MAP4K1: variants seen among roughly 807,000 people sequenced by gnomAD.
MAP4K1 encodes the protein MAPK/ERK kinase kinase kinase 1.
A neutral mutation model predicts 122.8 loss-of-function variants in MAP4K1; 35 were observed. The observed-to-expected ratio is 0.29, with a 90% confidence interval of 0.22 to 0.38. The LOEUF (loss-of-function observed/expected upper bound fraction) is 0.38, where lower values mean the gene tolerates loss of function less well. MAP4K1 is among the 10% of genes least tolerant of loss of function. MAP4K1 has a pLI of 1.00. For synonymous variants in MAP4K1, 412 were observed against 421.3 expected, an observed-to-expected ratio of 0.98 and a Z score of 0.27; for missense variants, 791 against 1,072.6, an observed-to-expected ratio of 0.74 and a Z score of 3.67.
Position 38,596,387 on chromosome 19 carries a change from G to A in MAP4K1, c.2041C>T (p.Arg681Trp). 2 of 1,597,870 alleles carry A rather than the reference G, an allele frequency of 1.3e-6. No individual in the cohort carries two copies. The highest frequency in any genetic ancestry group is 1.7e-5 in the Admixed American group (1 of 58,386). ...PAVCIGVSPG[R>W]PGKSVLFHTV... ...TGGAAGAGCACCGACTTCCCCGGCC[G>A]CCCGGGGCTCACGCCGATGCACACA... The change falls in exon 26 of 31, where the codon CGG (arginine) becomes TGG (tryptophan). Residue 681 changes from arginine (R) to tryptophan (W), a missense_variant. This residue lies in a region of MAP4K1 where 267 missense variants were observed against 323.0 expected (regional missense o/e 0.83). Transcript: ENST00000396857.
At chr19:38,607,168 T>C (rs1835812819) in intron 16 of MAP4K1, among the ~76,000 whole-genome samples, 1 of 151,652 alleles carries the variant, frequency 6.6e-6, no homozygotes, top group Non-Finnish European at 1.5e-5. Context: ...AAGTCAGAGA[T>C]TGGAGCAGCA....
chr19:38,601,816 TG>T (rs1376521101), intron 19 of MAP4K1: 1 of 373,152 alleles, frequency 2.7e-6, no homozygotes, highest in Non-Finnish European at 4.9e-6. Context: ...CTCACTCGGT[TG>T]CCCAGGCTGG....
At chr19:38,596,509 C>G in intron 25 of MAP4K1, 23 bp from the exon 26 acceptor site, 1 of 1,513,700 alleles carries the variant, frequency 6.6e-7, no homozygotes, top group Non-Finnish European at 8.8e-7. Flanking sequence ...CAGGGAGGGG[C>G]GGGCTAGGGG....
chr19:38,616,177 C>G lies in MAP4K1; in HGVS notation c.313+18G>C, dbSNP rs748802342. The stretch of plus-strand genomic sequence containing the variant: ...GGGATAGGGAGGGGTGCTTGGGTCC[C>G]GTTGTCCTTTCTCTAACCTTGGTAG... On this transcript the variant is annotated intron_variant, in intron 4 of 30. Transcript: ENST00000396857. The G allele has an allele frequency of 6.0e-5, 97 of 1,607,776 alleles. No individual in the cohort carries two copies. The highest frequency in any genetic ancestry group is 9.4e-5 in the African/African-American group (7 of 74,544).
chr19:38,596,442 C>G lies in MAP4K1; in HGVS notation c.1986G>C (p.Leu662=), dbSNP rs1974887667. 3.1e-6 allele frequency: 5 copies of G among 1,589,082 alleles called. No individual in the cohort carries two copies. Among genetic ancestry groups the G allele is most frequent in the Non-Finnish European group, 4.3e-6 (5 of 1,172,524 alleles). The part of the protein sequence containing the change: ...PLPTPLSVFA[L]LTGPGSELPA... Reference sequence around the variant, plus strand: ...GCAGCTCAGAGCCTGGCCCGGTCAGCAGCGCGAACACGGACAGAGGCGTCG... The same window carrying G: ...GCAGCTCAGAGCCTGGCCCGGTCAGGAGCGCGAACACGGACAGAGGCGTCG... Residue 662 remains leucine, a synonymous_variant, in exon 26 of 31, where the codon CTG becomes CTC. Transcript: ENST00000396857.
chr19:38,613,025 C>T (rs551966661), intron 8 of MAP4K1, among the ~76,000 whole-genome samples: 29 of 152,044 alleles, frequency 1.9e-4, no homozygotes, highest in Non-Finnish European at 3.5e-4. Context: ...GACCCTATCT[C>T]GGCTGGGCAC....
At position 38,596,343 on chromosome 19, in the gene MAP4K1, C is replaced by T. The variant is rs200357602; in HGVS notation, c.2085G>A (p.Ala695=). The change falls in exon 26 of 31, where the codon GCG becomes GCA. Residue 695 remains alanine (A), a synonymous_variant. Transcript: ENST00000396857. The stretch of plus-strand genomic sequence containing the variant: ...TCATCTCGCCCAGCCAGCAAGAGAG[C>T]GCGCCAAAGCGCACCGTGTGGAAGA... ...SVLFHTVRFG[A]LSCWLGEMST... 1.9e-6 allele frequency: 3 copies of T among 1,598,150 alleles called. No individual in the cohort carries two copies. The highest frequency in any genetic ancestry group is 1.7e-6 in the Non-Finnish European group (2 of 1,173,112).
At chr19:38,591,933 C>T (rs749007571) in intron 30 of MAP4K1, among the ~76,000 whole-genome samples, 27 of 147,700 alleles carry the variant, frequency 1.8e-4, no homozygotes, top group Non-Finnish European at 3.7e-4. Context: ...ATCACGCCAC[C>T]GCATTCCAGG....
intron 8 of MAP4K1, among the ~76,000 whole-genome samples, chr19:38,613,014 A>G (rs571765858): frequency 1.3e-5 from 2 of 152,256 alleles, no homozygotes; most frequent in East Asian, 3.9e-4. Context: ...CAACTTATCA[A>G]GACCCTATCT....
Position 38,597,500 on chromosome 19 carries a change from G to T in MAP4K1, c.1764C>A (p.His588Gln). The change falls in exon 23 of 31, where the codon CAC (histidine) becomes CAA (glutamine). Residue 588 changes from histidine to glutamine, a missense_variant. Coordinates refer to ENST00000396857, the MANE Select transcript of MAP4K1 (RefSeq NM_001042600.3). The surrounding 1 kb of genome is among the most constrained non-coding windows in gnomAD (Gnocchi z 4.6). ...GGAGCTGGTACCTTGCCAGTAGGCGGTGGGGGCTAATGTGAGCGATGGGGT... is the reference window on the plus strand; with the variant it reads ...GGAGCTGGTACCTTGCCAGTAGGCGTTGGGGGCTAATGTGAGCGATGGGGT... ...AGNPIAHISPHRLLARKNMVS... is the reference protein window; with the variant it reads ...AGNPIAHISPQRLLARKNMVS... 1 of 1,614,120 alleles carries T rather than the reference G, an allele frequency of 6.2e-7. No individual in the cohort carries two copies. The highest frequency in any genetic ancestry group is 8.5e-7 in the Non-Finnish European group (1 of 1,180,004).
At position 38,607,559 on chromosome 19, in the gene MAP4K1, CAAAAAAAAA is replaced by C. The variant is rs759008757; in HGVS notation, c.1157+296_1157+304del. 1.1e-4 allele frequency among the ~76,000 whole-genome samples: 6 copies of C among 55,056 alleles called. No individual in the cohort carries two copies. In the East Asian group the frequency reaches 2.2e-3, roughly 20 times the overall value. The allele number at this position is 55,056 out of a possible 152,430, so 36.1% of individuals were successfully genotyped here. On this transcript the variant is annotated intron_variant, in intron 16 of 30. Coordinates refer to ENST00000396857, the MANE Select transcript of MAP4K1 (RefSeq NM_001042600.3). ...TGGGCCACAGAGTGAGACTCCATCT[CAAAAAAAAA>C]AAAAAAAAAAAAGAAGAAGGTGGAA...
intron 19 of MAP4K1, among the ~76,000 whole-genome samples, chr19:38,603,477 T>C (rs1267032639): frequency 2.0e-5 from 3 of 151,974 alleles, no homozygotes; most frequent in East Asian, 1.9e-4. Flanking sequence ...TATGTATATA[T>C]GTATGATTAA....
At position 38,609,666 on chromosome 19, in the gene MAP4K1, A is replaced by T; in HGVS notation, c.936T>A (p.Pro312=). The change falls in exon 13 of 31, where the codon CCT becomes CCA. Residue 312 remains proline, a synonymous_variant. Transcript: ENST00000396857. ...DIEDEEPELP[P]AIPRRIRSTH... is the part of the protein sequence containing the mutation. ...TGGATCTGATCCGCCGAGGGATAGC[A>T]GGGGGTAGCTGGGCAGAGGGGCAGC... The T allele has an allele frequency of 6.2e-7, 1 of 1,612,710 alleles. No homozygotes were observed. Among genetic ancestry groups the T allele is most frequent in the Non-Finnish European group, 8.5e-7 (1 of 1,179,448 alleles).
chr19:38,601,925 G>A (rs1975076878), intron 19 of MAP4K1, among the ~76,000 whole-genome samples: 1 of 151,946 alleles, frequency 6.6e-6, no homozygotes, highest in Non-Finnish European at 1.5e-5. Flanking sequence ...CCAAAGGCGT[G>A]TGCCACCACA....
intron 19 of MAP4K1, among the ~76,000 whole-genome samples, chr19:38,601,988 G>A (rs978484480): frequency 3.3e-5 from 5 of 152,162 alleles, no homozygotes; most frequent in East Asian, 1.9e-4. Flanking sequence ...ATGTTGCCCA[G>A]GCTGGTCTTG....
chr19:38,610,444 G>GGC (rs1975464949), intron 11 of MAP4K1, among the ~76,000 whole-genome samples: 3 of 142,616 alleles, frequency 2.1e-5, no homozygotes, highest in Non-Finnish European at 3.0e-5. Context: ...GGAGTGCAGT[G>GGC]GCACGATCCT....
intron 13 of MAP4K1, among the ~76,000 whole-genome samples, chr19:38,609,032 T>C (rs993066963): frequency 6.6e-6 from 1 of 152,102 alleles, no homozygotes; most frequent in African/African-American, 2.4e-5. Context: ...GGGGGCTCAA[T>C]GTAGTTACAG....
At chr19:38,596,955 C>A in intron 25 of MAP4K1, 79 bp downstream of exon 25, 1 of 1,349,334 alleles carries the variant, frequency 7.4e-7, no homozygotes, top group Admixed American at 1.7e-5. Context: ...CTTCATGGAG[C>A]TCTTGATAGA....
At chr19:38,590,011 C>G (rs1303094159) in intron 30 of MAP4K1, among the ~76,000 whole-genome samples, 2 of 151,484 alleles carry the variant, frequency 1.3e-5, no homozygotes, top group Non-Finnish European at 2.9e-5. Flanking sequence ...GCCAGGGTGA[C>G]AGAGAGAGAA....
Sources: gnomAD v4.1 joint callset for allele counts (sites outside exome capture counted in the v4.1 genomes callset) on GRCh38, gnomAD v4.1.1 for gene constraint, gnomAD v4.1.1 regional missense constraint, Gnocchi (gnomAD v3.1) non-coding constraint, MANE v1.5 for transcripts, NCBI Gene and HGNC (gene_info 2026-07-23, HGNC 2026-07-21) for gene names.